C1QTNF7: variants seen among roughly 807,000 people sequenced by gnomAD.
C1QTNF7 encodes the protein C1q and TNF related 7, also known as complement C1q tumor necrosis factor-related protein 7.
In C1QTNF7, 15 loss-of-function variants were observed where a neutral mutation model predicts 19.6. The observed-to-expected ratio is 0.76, with a 90% CI of 0.51 to 1.18. The LOEUF is 1.18. Ranked by LOEUF, C1QTNF7 falls within the 50% of genes most tolerant of loss-of-function variation. C1QTNF7 has a pLI of 0.00. For missense variants in C1QTNF7, 324 were observed against 359.7 expected (o/e 0.90, Z 0.80); for synonymous variants, 142 against 137.5 (o/e 1.03, Z -0.23).
intron 1 of C1QTNF7, chr4:15,358,143 G>A (rs1717208974): frequency 6.6e-6 from 1 of 152,134 alleles, no homozygotes. Context: ...GGTGAGAGAA[G>A]GCATTCTTGT....
At chr4:15,350,206 GAA>G in intron 1 of C1QTNF7, among the ~76,000 whole-genome samples, 1 of 129,246 alleles carries the variant, frequency 7.7e-6, no homozygotes, top group African/African-American at 2.8e-5. Context: ...AGGGAAGAAG[GAA>G]GGAAGGGAGG....
chr4:15,415,588 G>A (rs1577268738), intron 1 of C1QTNF7, among the ~76,000 whole-genome samples: 1 of 150,254 alleles, frequency 6.7e-6, no homozygotes, highest in African/African-American at 2.4e-5. Flanking sequence ...TTAATATTTT[G>A]GTATTGGGCC....
chr4:15,408,430 A>G (rs1360290068), intron 1 of C1QTNF7, among the ~76,000 whole-genome samples: 1 of 152,128 alleles, frequency 6.6e-6, no homozygotes, highest in Non-Finnish European at 1.5e-5. Context: ...GTCTTTTACA[A>G]CATTAAATAT....
chr4:15,384,857 T>A (rs907864042), intron 1 of C1QTNF7, among the ~76,000 whole-genome samples: 5 of 151,348 alleles, frequency 3.3e-5, no homozygotes, highest in African/African-American at 1.2e-4. Context: ...CTCCGGGGAG[T>A]GGGGTTGCAG....
At chr4:15,344,140 C>A (rs1380094884) in intron 1 of C1QTNF7, among the ~76,000 whole-genome samples, 1 of 152,164 alleles carries the variant, frequency 6.6e-6, no homozygotes, top group Non-Finnish European at 1.5e-5. Context: ...GGAAGGCTTC[C>A]CTGCAGACAA....
upstream of C1QTNF7, among the ~76,000 whole-genome samples, chr4:15,426,836 G>C (rs187708089): frequency 4.6e-5 from 7 of 152,210 alleles, no homozygotes; most frequent in African/African-American, 1.7e-4. Flanking sequence ...CTTGTAAATG[G>C]GTGACATCAG....
intron 1 of C1QTNF7, among the ~76,000 whole-genome samples, chr4:15,356,436 T>G (rs2109294254): frequency 6.6e-6 from 1 of 152,334 alleles, no homozygotes; most frequent in South Asian, 2.1e-4. Context: ...AACTCACCCT[T>G]TTTTATGGCT....
At chr4:15,367,727 A>G (rs1577238783) in intron 1 of C1QTNF7, among the ~76,000 whole-genome samples, 1 of 152,222 alleles carries the variant, frequency 6.6e-6, no homozygotes, top group East Asian at 1.9e-4. Flanking sequence ...TTTTCTACCC[A>G]TACAGTGGTA....
At position 15,414,468 on chromosome 4, in the gene C1QTNF7, A is replaced by G. The variant is rs1719516110; in HGVS notation, c.14-21268A>G. ...ATAGTTCTGCAGCTTGATTAAAGCT[A>G]AAGAACACACTAATAGGGCTTTGGG... On this transcript the variant is annotated intron_variant, in intron 1 of 2. Transcript: ENST00000295297. Among the ~76,000 whole-genome samples, 3 of 152,148 alleles carry G rather than the reference A, an allele frequency of 2.0e-5. No homozygotes were observed. The South Asian group carries it at 6.2e-4, about 32-fold the overall frequency.
chr4:15,405,777 A>G (rs1304751926), intron 1 of C1QTNF7, among the ~76,000 whole-genome samples: 1 of 151,856 alleles, frequency 6.6e-6, no homozygotes, highest in Non-Finnish European at 1.5e-5. Context: ...AAATAAAAAA[A>G]CTCCTCCACA....
intron 1 of C1QTNF7, among the ~76,000 whole-genome samples, chr4:15,434,040 C>A (rs1489827011): frequency 1.3e-5 from 2 of 152,042 alleles, no homozygotes; most frequent in East Asian, 1.9e-4. Context: ...GTATTGAATG[C>A]ACTGGGCTTG....
At chr4:15,407,299 C>A (rs1401466005) in intron 1 of C1QTNF7, among the ~76,000 whole-genome samples, 1 of 152,128 alleles carries the variant, frequency 6.6e-6, no homozygotes, top group African/African-American at 2.4e-5. Context: ...GTATTCTGTG[C>A]CAAATTCACT....
At chr4:15,353,147 G>C (rs1301354437) in intron 1 of C1QTNF7, among the ~76,000 whole-genome samples, 1 of 152,042 alleles carries the variant, frequency 6.6e-6, no homozygotes, top group Non-Finnish European at 1.5e-5. Context: ...GCAAAATATT[G>C]TTTTCTCTCC....
intron 1 of C1QTNF7, among the ~76,000 whole-genome samples, chr4:15,370,871 A>C (rs1037951094): frequency 9.2e-5 from 14 of 152,190 alleles, no homozygotes; most frequent in African/African-American, 3.1e-4. Context: ...TAATGGAAAC[A>C]CTTAAGATTT....
chr4:15,344,194 G>A (rs565930540), intron 1 of C1QTNF7, among the ~76,000 whole-genome samples: 1 of 152,344 alleles, frequency 6.6e-6, no homozygotes, highest in South Asian at 2.1e-4. Context: ...TAGAGTACTT[G>A]ATTGGAATCA....
intron 1 of C1QTNF7, chr4:15,374,566 C>T (rs941659601): frequency 5.1e-6 from 5 of 985,262 alleles, no homozygotes; most frequent in Admixed American, 1.2e-4. Flanking sequence ...CGCCGGGGTC[C>T]TTGCCCGCTC....
chr4:15,403,931 A>AT (rs1719088302), intron 1 of C1QTNF7, among the ~76,000 whole-genome samples: 1 of 152,318 alleles, frequency 6.6e-6, no homozygotes, highest in African/African-American at 2.4e-5. Context: ...TTTAACATTC[A>AT]TAAAAATACT....
chr4:15,417,928 T>C (rs1711523608), intron 1 of C1QTNF7, among the ~76,000 whole-genome samples: 1 of 152,034 alleles, frequency 6.6e-6, no homozygotes, highest in African/African-American at 2.4e-5. Flanking sequence ...TCAGTCACTA[T>C]TGCAAGGACA....
chr4:15,394,091 T>C (rs1718688962), intron 1 of C1QTNF7, among the ~76,000 whole-genome samples: 1 of 152,176 alleles, frequency 6.6e-6, no homozygotes, highest in Non-Finnish European at 1.5e-5. Context: ...AGTGAGAGAA[T>C]GAGCCTGTGA....
Sources: allele counts gnomAD v4.1 joint callset (sites outside exome capture counted in the v4.1 genomes callset), GRCh38; gene constraint gnomAD v4.1.1; transcripts MANE v1.5; gene names NCBI Gene and HGNC (gene_info 2026-07-23, HGNC 2026-07-21).